The following FBXL7 variants were observed in gnomAD, a reference collection of about 807,000 sequenced individuals.
The protein encoded by FBXL7 is F-box/LRR-repeat protein 7.
In FBXL7, 12 loss-of-function variants were observed where a neutral mutation model predicts 38.3. The ratio of observed to expected loss-of-function variants is 0.31; its 90% CI spans 0.20 to 0.51. FBXL7 has a LOEUF of 0.51. Among genes scored for constraint, FBXL7 ranks in the 20% least tolerant of loss-of-function variants. The pLI, the probability that FBXL7 is intolerant of heterozygous loss-of-function variation, is 0.98. For missense variants in FBXL7, 567 were observed against 676.4 expected (o/e 0.84, Z 1.79); for synonymous variants, 297 against 300.9 (o/e 0.99, Z 0.13).
At chr5:15,840,681 T>C (rs932712785) in intron 2 of FBXL7, among the ~76,000 whole-genome samples, 5 of 151,994 alleles carry the variant, frequency 3.3e-5, no homozygotes, top group Non-Finnish European at 7.4e-5. Flanking sequence ...ACCCCGTCTC[T>C]ACTAAAAATA....
chr5:15,658,673 G>C (rs926835792), intron 2 of FBXL7, among the ~76,000 whole-genome samples: 1 of 152,100 alleles, frequency 6.6e-6, no homozygotes, highest in Non-Finnish European at 1.5e-5. Flanking sequence ...CCACTTGAGA[G>C]GGTTGTGATC....
intron 1 of FBXL7, among the ~76,000 whole-genome samples, chr5:15,570,863 C>T (rs1441595459): frequency 1.3e-5 from 2 of 152,166 alleles, no homozygotes; most frequent in Non-Finnish European, 2.9e-5. Context: ...GAGGCCAGGG[C>T]AGGCAGATCA....
intron 2 of FBXL7, among the ~76,000 whole-genome samples, chr5:15,712,274 T>A (rs1388869989): frequency 6.6e-6 from 1 of 151,516 alleles, no homozygotes. Flanking sequence ...TTTATACAAT[T>A]TATATCTCCA....
chr5:15,687,321 T>G (rs1240466783), intron 2 of FBXL7, among the ~76,000 whole-genome samples: 1 of 152,242 alleles, frequency 6.6e-6, no homozygotes. Context: ...CTTGGCATCC[T>G]GGTAGTAGTT....
intron 2 of FBXL7, among the ~76,000 whole-genome samples, chr5:15,838,707 A>T (rs370735630): frequency 7.9e-5 from 12 of 151,734 alleles, no homozygotes; most frequent in Admixed American, 5.9e-4. Flanking sequence ...GTCTTTCTCT[A>T]CTCCCACGAC....
Position 15,937,005 on chromosome 5 carries a change from G to A in FBXL7, c.1295G>A (p.Arg432Gln). The A allele has an allele frequency of 6.2e-7, 1 of 1,614,026 alleles. No individual in the cohort carries two copies. The highest frequency in any genetic ancestry group is 8.5e-7 in the Non-Finnish European group (1 of 1,179,900). Residue 432 changes from arginine (R) to glutamine (Q), a missense_variant, in exon 4 of 4, where the codon CGG becomes CAG. Coordinates refer to ENST00000504595, the MANE Select transcript of FBXL7 (RefSeq NM_012304.5). ...CLALNCFNLK[R>Q]LSLKSCESIT... ...GCCCTGAACTGCTTCAACCTCAAGC[G>A]GCTCAGCCTCAAGTCCTGCGAGAGC...
intron 2 of FBXL7, among the ~76,000 whole-genome samples, chr5:15,733,133 G>A (rs372642514): frequency 3.1e-4 from 46 of 146,342 alleles, no homozygotes; most frequent in Admixed American, 1.7e-3. Flanking sequence ...TCTCACTGTC[G>A]CCCAGGCTGA....
chr5:15,520,481 G>A (rs1403593353), intron 1 of FBXL7, among the ~76,000 whole-genome samples: 1 of 152,190 alleles, frequency 6.6e-6, no homozygotes, highest in East Asian at 1.9e-4. Context: ...GTGGGTATGT[G>A]TGTTTATGGT....
chr5:15,559,284 A>T (rs1473862524), intron 1 of FBXL7, among the ~76,000 whole-genome samples: 2 of 152,186 alleles, frequency 1.3e-5, no homozygotes, highest in African/African-American at 4.8e-5. Context: ...TGAAAGAGTT[A>T]TGGTCCCATT....
rs373870844 is a variant in FBXL7 at position 15,709,150 on chromosome 5, A to G, written c.127+93078A>G. On this transcript the variant is annotated intron_variant, in intron 2 of 3. Coordinates refer to ENST00000504595, the MANE Select transcript of FBXL7 (RefSeq NM_012304.5). ...TAAGATGCTGGGACCAAGGTGGGAC[A>G]AGTACCGTGGACACATAAGACCTGG... Among the ~76,000 whole-genome samples, 79 of 152,220 alleles carry G rather than the reference A, an allele frequency of 5.2e-4. 2 individuals are homozygous for G. The highest frequency in any genetic ancestry group is 2.4e-4 in the Non-Finnish European group (16 of 68,040).
intron 2 of FBXL7, among the ~76,000 whole-genome samples, chr5:15,842,176 A>G (rs896583263): frequency 1.3e-5 from 2 of 152,218 alleles, no homozygotes; most frequent in Non-Finnish European, 2.9e-5. Context: ...GCAAAACCAC[A>G]GGGACCAATC....
intron 2 of FBXL7, among the ~76,000 whole-genome samples, chr5:15,694,666 CTGTCATTTTGACACCTT>C (rs1662377370): frequency 6.9e-6 from 1 of 144,160 alleles, no homozygotes; most frequent in Non-Finnish European, 1.5e-5. Flanking sequence ...TTTGACACCT[CTGTCATTTTGACACCTT>C]TATTAATGTG....
At chr5:15,796,509 C>A (rs931942163) in intron 2 of FBXL7, among the ~76,000 whole-genome samples, 1 of 151,980 alleles carries the variant, frequency 6.6e-6, no homozygotes, top group South Asian at 2.1e-4. Context: ...CCTTGTTCAA[C>A]AATTTTATCT....
chr5:15,831,215 G>A (rs553276135), intron 2 of FBXL7, among the ~76,000 whole-genome samples: 20 of 152,272 alleles, frequency 1.3e-4, no homozygotes, highest in African/African-American at 3.1e-4. Flanking sequence ...GGGAATTTGC[G>A]ATTGTTTTGT....
At chr5:15,573,869 A>G (rs559577903) in intron 1 of FBXL7, among the ~76,000 whole-genome samples, 5 of 152,210 alleles carry the variant, frequency 3.3e-5, no homozygotes, top group Non-Finnish European at 5.9e-5. Context: ...GAACATCTGT[A>G]CCACTTCCGT....
chr5:15,698,503 AG>A (rs1743415261), intron 2 of FBXL7, among the ~76,000 whole-genome samples: 1 of 152,184 alleles, frequency 6.6e-6, no homozygotes, highest in South Asian at 2.1e-4. Flanking sequence ...GAACTTAAAT[AG>A]GGGTGGTGTG....
intron 1 of FBXL7, chr5:15,580,757 T>C (rs1739112366): frequency 2.0e-6 from 2 of 985,342 alleles, no homozygotes; most frequent in South Asian, 9.4e-5. Flanking sequence ...CCTCCTGGTG[T>C]GTGTTTCCAG....
At chr5:15,570,738 C>T (rs1000508184) in intron 1 of FBXL7, among the ~76,000 whole-genome samples, 2 of 152,152 alleles carry the variant, frequency 1.3e-5, no homozygotes, top group Non-Finnish European at 2.9e-5. Flanking sequence ...CTTGGGAGAC[C>T]AGTTGCCCCT....
chr5:15,867,857 G>A (rs1739781162), intron 2 of FBXL7, among the ~76,000 whole-genome samples: 1 of 152,134 alleles, frequency 6.6e-6, no homozygotes, highest in African/African-American at 2.4e-5. Context: ...TGTAATCCCA[G>A]CACTGTGGGA....
Sources: allele counts gnomAD v4.1 joint callset (sites outside exome capture counted in the v4.1 genomes callset), GRCh38; gene constraint gnomAD v4.1.1; transcripts MANE v1.5; gene names NCBI Gene and HGNC (gene_info 2026-07-23, HGNC 2026-07-21).